The following CSGALNACT1 variants were observed in gnomAD, a reference collection of about 807,000 sequenced individuals.
CSGALNACT1 encodes chondroitin sulfate N-acetylgalactosaminyltransferase 1, also known as beta4GalNAcT-1.
CSGALNACT1 carries 52 observed loss-of-function variants against 51.0 expected under a neutral mutation model. That is an observed-to-expected ratio of 1.02 (90% CI 0.82 to 1.29). The LOEUF (loss-of-function observed/expected upper bound fraction) is 1.29, where lower values mean the gene tolerates loss of function less well. CSGALNACT1 is among the 50% of genes most tolerant of loss of function. The pLI is 0.00. For missense variants in CSGALNACT1, 935 were observed against 679.2 expected (o/e 1.38, Z -4.19); for synonymous variants, 341 against 254.4 (o/e 1.34, Z -3.24).
intron 3 of CSGALNACT1, among the ~76,000 whole-genome samples, chr8:19,579,473 C>G (rs918765878): frequency 8.5e-5 from 13 of 152,218 alleles, no homozygotes; most frequent in African/African-American, 3.1e-4. Context: ...AGTCACTCTT[C>G]TAAGTCTCTT....
intron 1 of CSGALNACT1, among the ~76,000 whole-genome samples, chr8:19,655,581 T>TACAC (rs1303075739): frequency 1.9e-5 from 2 of 107,510 alleles, no homozygotes; most frequent in South Asian, 6.7e-4. Context: ...CACACACACA[T>TACAC]ATATATATAT....
intron 3 of CSGALNACT1, among the ~76,000 whole-genome samples, chr8:19,571,371 T>C (rs1435847744): frequency 6.6e-6 from 1 of 150,798 alleles, no homozygotes; most frequent in East Asian, 1.9e-4. Context: ...AATTCTAGAG[T>C]GGGGGGCACC....
rs562052718 is a variant in CSGALNACT1, at chr8:19,405,292, A to G, written c.*488T>C. 95 of 453,904 alleles carry G rather than the reference A, an allele frequency of 2.1e-4. 1 individual carries two copies. Among genetic ancestry groups the G allele is most frequent in the South Asian group, 1.1e-3 (73 of 64,244 alleles). The allele number at this position is 453,904 out of a possible 1,614,324, so 28.1% of individuals were successfully genotyped here. A position where few individuals can be genotyped will look rare whatever the true frequency, so the allele number is the denominator to read the frequency against. The stretch of plus-strand genomic sequence containing the variant: ...TTTCTGGTCCATTTTATTTTACTTA[A>G]TGTACTCACTAGTATCATAATAAGC... On this transcript the variant is annotated 3_prime_UTR_variant, in exon 10 of 10. Transcript: ENST00000454498.
At chr8:19,492,531 C>A (rs145296738) in intron 4 of CSGALNACT1, among the ~76,000 whole-genome samples, 1 of 152,206 alleles carries the variant, frequency 6.6e-6, no homozygotes, top group Non-Finnish European at 1.5e-5. Context: ...GCCATCTACC[C>A]TGCTGGAGCT....
chr8:19,503,415 G>A (rs2076756356), intron 4 of CSGALNACT1, among the ~76,000 whole-genome samples: 1 of 152,220 alleles, frequency 6.6e-6, no homozygotes, highest in African/African-American at 2.4e-5. Context: ...ACTGTGCATA[G>A]AATAGCAGAT....
intron 3 of CSGALNACT1, among the ~76,000 whole-genome samples, chr8:19,540,040 C>T (rs1409152145): frequency 6.6e-6 from 1 of 152,138 alleles, no homozygotes; most frequent in Admixed American, 6.5e-5. Flanking sequence ...GAGAGAGTAG[C>T]AGAGCCACAA....
intron 1 of CSGALNACT1, among the ~76,000 whole-genome samples, chr8:19,632,970 G>A (rs1349280863): frequency 1.4e-5 from 2 of 142,556 alleles, no homozygotes; most frequent in East Asian, 4.0e-4. Flanking sequence ...GTTTCCCCAT[G>A]TTGCTCAGGC....
intron 3 of CSGALNACT1, among the ~76,000 whole-genome samples, chr8:19,544,742 G>A (rs989809553): frequency 6.6e-6 from 1 of 152,160 alleles, no homozygotes; most frequent in African/African-American, 2.4e-5. Flanking sequence ...GTAGCTGTAA[G>A]TTTAAATGAT....
chr8:19,513,805 A>G (rs1173009170), intron 3 of CSGALNACT1, among the ~76,000 whole-genome samples: 1 of 152,264 alleles, frequency 6.6e-6, no homozygotes, highest in South Asian at 2.1e-4. Flanking sequence ...GTATTTGTGT[A>G]TCTAAACACA....
At chr8:19,498,108 C>T (rs139156035) in intron 4 of CSGALNACT1, among the ~76,000 whole-genome samples, 145 of 152,234 alleles carry the variant, frequency 9.5e-4, no homozygotes, top group Middle Eastern at 6.8e-3. Flanking sequence ...TATCCACGAC[C>T]GTGACAAAAT....
In CSGALNACT1 at chr8:19,757,077, G is replaced by C. The variant is rs1236056673; in HGVS notation, c.-297+773C>G. The C allele has an allele frequency of 2.0e-5, 3 of 150,386 alleles. No individual in the cohort carries two copies. The highest frequency in any genetic ancestry group is 3.9e-4 in the East Asian group (2 of 5,124). 9.3% of individuals were successfully genotyped at this position (150,386 alleles called of 1,614,324 possible). Reference sequence around the variant, plus strand: ...TGCACGAGCCACCCCGAGGTCGCGGGGTGGGCGGGCGCGAGCTAGGCGCGC... The same window carrying C: ...TGCACGAGCCACCCCGAGGTCGCGGCGTGGGCGGGCGCGAGCTAGGCGCGC... On this transcript the variant is annotated intron_variant, in intron 1 of 1. Transcript: ENST00000517494. This position sits in a 1 kb window ranked among gnomAD's most constrained non-coding sequence, Gnocchi z 4.0.
intron 1 of CSGALNACT1, among the ~76,000 whole-genome samples, chr8:19,755,467 A>C (rs868084124): frequency 7.7e-6 from 1 of 129,692 alleles, no homozygotes; most frequent in Non-Finnish European, 1.7e-5. Context: ...AAAAAAAAAA[A>C]AAAAAAAAAA....
At chr8:19,419,796 C>T (rs575912214) in intron 7 of CSGALNACT1, among the ~76,000 whole-genome samples, 31 of 152,208 alleles carry the variant, frequency 2.0e-4, no homozygotes, top group Non-Finnish European at 3.5e-4. Context: ...GCTGACAGGC[C>T]CATGATGTGG....
At chr8:19,750,972 A>G (rs2064992416) in intron 1 of CSGALNACT1, among the ~76,000 whole-genome samples, 1 of 152,192 alleles carries the variant, frequency 6.6e-6, no homozygotes. Context: ...AGAAAAAGCT[A>G]CATACACAAA....
upstream of CSGALNACT1, among the ~76,000 whole-genome samples, chr8:19,603,887 T>A (rs1045257652): frequency 3.3e-5 from 5 of 152,176 alleles, no homozygotes; most frequent in Non-Finnish European, 7.4e-5. Context: ...AATAATCTAA[T>A]TTGTACTTTC....
intron 4 of CSGALNACT1, among the ~76,000 whole-genome samples, chr8:19,476,831 G>GAC (rs1472830380): frequency 1.3e-5 from 2 of 152,132 alleles, no homozygotes; most frequent in Admixed American, 1.3e-4. Flanking sequence ...CCAGATGCCG[G>GAC]ACATGTGAGT....
At chr8:19,700,415 C>A (rs2061801049) in intron 1 of CSGALNACT1, among the ~76,000 whole-genome samples, 1 of 152,102 alleles carries the variant, frequency 6.6e-6, no homozygotes, top group South Asian at 2.1e-4. Flanking sequence ...CAAAATCAGG[C>A]TAATAGCCTT....
intron 1 of CSGALNACT1, among the ~76,000 whole-genome samples, chr8:19,630,509 G>A (rs1341977974): frequency 6.6e-6 from 1 of 151,820 alleles, no homozygotes; most frequent in African/African-American, 2.4e-5. Context: ...CTTTACATTA[G>A]GATTCACTCT....
At chr8:19,609,657 G>T (rs950839034) in intron 1 of CSGALNACT1, among the ~76,000 whole-genome samples, 1 of 151,846 alleles carries the variant, frequency 6.6e-6, no homozygotes, top group East Asian at 1.9e-4. Flanking sequence ...GATGGGGGTT[G>T]GGGGGTGAGA....
Sources: gnomAD v4.1 joint callset for allele counts (sites outside exome capture counted in the v4.1 genomes callset) on GRCh38, gnomAD v4.1.1 for gene constraint, Gnocchi (gnomAD v3.1) non-coding constraint, MANE v1.5 for transcripts, NCBI Gene and HGNC (gene_info 2026-07-23, HGNC 2026-07-21) for gene names.